Variants in EFR3A observed in about 807,000 individuals in gnomAD.
EFR3A encodes the protein protein EFR3 homolog A.
In EFR3A, 76 loss-of-function variants were observed where a neutral mutation model predicts 104.4. The observed-to-expected ratio is 0.73, with a 90% CI of 0.60 to 0.88. The LOEUF (loss-of-function observed/expected upper bound fraction) is 0.88. Ranked by LOEUF, EFR3A falls within the 40% of genes least tolerant of loss-of-function variation. The pLI, the probability that EFR3A is intolerant of heterozygous loss-of-function variation, is 0.00. For synonymous variants in EFR3A, 330 were observed against 330.0 expected, an observed-to-expected ratio of 1.00 and a Z score of 0.00; for missense variants, 985 against 1,012.5, an observed-to-expected ratio of 0.97 and a Z score of 0.37.
At chr8:131,995,429 T>C (rs1821424110) in intron 18 of EFR3A, among the ~76,000 whole-genome samples, 1 of 152,216 alleles carries the variant, frequency 6.6e-6, no homozygotes, top group Non-Finnish European at 1.5e-5. Flanking sequence ...GGATGTGTAA[T>C]GTCTATTCAG....
chr8:131,912,001 G>T (rs58545698), intron 1 of EFR3A, among the ~76,000 whole-genome samples: 2,143 of 152,290 alleles, frequency 0.014, 33 homozygotes, highest in East Asian at 0.066. Context: ...GGGGAAAAAG[G>T]GTTCTGGTTT....
At chr8:131,913,867 G>C (rs1296923212) in intron 1 of EFR3A, among the ~76,000 whole-genome samples, 1 of 152,186 alleles carries the variant, frequency 6.6e-6, no homozygotes, top group Non-Finnish European at 1.5e-5. Flanking sequence ...TTTGCAGAAG[G>C]TACTGTGCCA....
intron 18 of EFR3A, among the ~76,000 whole-genome samples, chr8:131,991,374 G>A (rs1821173802): frequency 1.3e-5 from 2 of 151,952 alleles, no homozygotes; most frequent in Admixed American, 6.6e-5. Context: ...AGTGAAGAAG[G>A]AAAGAAGTAC....
rs559892977 is a variant in EFR3A at position 131,997,618 on chromosome 8, A to C, written c.2157+1121A>C. On this transcript the variant is annotated intron_variant, in intron 19 of 22. Coordinates refer to ENST00000254624, the MANE Select transcript of EFR3A (RefSeq NM_015137.6). The stretch of plus-strand genomic sequence containing the variant: ...CTTAATAACAACTTTTCCCAAATTC[A>C]CCTCTTTCTTCAGAGCTATTTAATT... Among the ~76,000 whole-genome samples, 44 of 152,074 alleles carry C rather than the reference A, an allele frequency of 2.9e-4. No individual in the cohort carries two copies. In the South Asian group the frequency reaches 8.9e-3, roughly 31 times the overall value.
In EFR3A at chr8:131,947,306, G is replaced by T. The variant is rs1043771683; in HGVS notation, c.366+673G>T. Reference sequence around the variant, plus strand: ...TCTGCACGTGCTCGTTGACTATTGGGTATATTTTCTTTGGAGAAATGTCTA... The same window carrying T: ...TCTGCACGTGCTCGTTGACTATTGGTTATATTTTCTTTGGAGAAATGTCTA... On this transcript the variant is annotated intron_variant, in intron 4 of 22. Transcript: ENST00000254624. Among the ~76,000 whole-genome samples the T allele has an allele frequency of 2.0e-5, 3 of 151,782 alleles. No individual in the cohort carries two copies. In the East Asian group the frequency reaches 5.8e-4, roughly 29 times the overall value.
At chr8:131,960,959 G>C (rs1819284512) in intron 8 of EFR3A, among the ~76,000 whole-genome samples, 1 of 152,184 alleles carries the variant, frequency 6.6e-6, no homozygotes. Context: ...AGGGTCTGGA[G>C]TGGACCTCTG....
intron 19 of EFR3A, among the ~76,000 whole-genome samples, chr8:132,001,314 A>T (rs1821770180): frequency 6.6e-6 from 1 of 152,240 alleles, no homozygotes; most frequent in Admixed American, 6.5e-5. Flanking sequence ...TACCAAAATC[A>T]TAGAGGCTGT....
chr8:131,912,035 C>T (rs1043952787), intron 1 of EFR3A, among the ~76,000 whole-genome samples: 1 of 152,118 alleles, frequency 6.6e-6, no homozygotes, highest in African/African-American at 2.4e-5. Flanking sequence ...TGGGGAAGAG[C>T]GATTCTGGTT....
intron 1 of EFR3A, among the ~76,000 whole-genome samples, chr8:131,922,292 A>C (rs994616860): frequency 3.3e-5 from 5 of 152,112 alleles, no homozygotes; most frequent in Admixed American, 1.3e-4. Flanking sequence ...TAAAGTCACA[A>C]TGGCAGGTAT....
chr8:131,973,731 TTC>T (rs999696950), intron 10 of EFR3A, among the ~76,000 whole-genome samples: 1 of 152,218 alleles, frequency 6.6e-6, no homozygotes, highest in African/African-American at 2.4e-5. Context: ...GTTGGCCAAC[TTC>T]TCTTTCTTTT....
rs767408900 is a variant in EFR3A, at chr8:132,011,537, G to T, written c.*642G>T. 1.6e-6 allele frequency: 1 copy of T among 632,700 alleles called. No homozygotes were observed. Among genetic ancestry groups the T allele is most frequent in the African/African-American group, 2.0e-5 (1 of 50,126 alleles). The allele number at this position is 632,700 out of a possible 1,614,324, so 39.2% of individuals were successfully genotyped here. A position where few individuals can be genotyped will look rare whatever the true frequency, so the allele number is the denominator to read the frequency against. On this transcript the variant is annotated 3_prime_UTR_variant, in exon 23 of 23. Coordinates refer to ENST00000254624, the MANE Select transcript of EFR3A (RefSeq NM_015137.6). ...CCATACTTTAAATTGTCTGGTTCTT[G>T]TAATATTGTGTTTCCTGCCAAGAGT...
At chr8:131,982,701 A>T (rs1231136223) in intron 14 of EFR3A, among the ~76,000 whole-genome samples, 1 of 152,302 alleles carries the variant, frequency 6.6e-6, no homozygotes. Flanking sequence ...CTAAATTATC[A>T]CGTATGTATG....
intron 1 of EFR3A, among the ~76,000 whole-genome samples, chr8:131,920,042 A>G (rs1816929387): frequency 1.3e-5 from 2 of 152,280 alleles, no homozygotes; most frequent in African/African-American, 2.4e-5. Context: ...TACAAAATAA[A>G]AAGGGGCCTT....
In EFR3A at chr8:131,970,614, T is replaced by C. The variant is rs1186541921; in HGVS notation, c.1130T>C (p.Ile377Thr). The change falls in exon 10 of 23, where the codon ATT (isoleucine) becomes ACT (threonine). Residue 377 changes from isoleucine (I) to threonine (T), a missense_variant. Physicochemically the swap from Ile to Thr is moderately conservative, Grantham distance 89. Transcript: ENST00000254624. ...AGTTCCAAAGACAATGATGAGAAGA[T>C]TGTGCAGAATGCTATCATCCAAACA... ...NTSSKDNDEK[I>T]VQNAIIQTIG... is the part of the protein sequence containing the mutation. 6.2e-7 allele frequency: 1 copy of C among 1,613,774 alleles called. No individual in the cohort carries two copies. Among genetic ancestry groups the C allele is most frequent in the South Asian group, 1.1e-5 (1 of 91,064 alleles).
At chr8:131,910,361 TCCTGGACTCAAGCTATTCTC>T (rs1816458951) in intron 1 of EFR3A, among the ~76,000 whole-genome samples, 1 of 150,838 alleles carries the variant, frequency 6.6e-6, no homozygotes, top group Non-Finnish European at 1.5e-5. Context: ...AACCTCCACC[TCCTGGACTCAAGCTATTCTC>T]CTGCCTCGGC....
At chr8:131,949,860 T>G in intron 4 of EFR3A, 109 bp from the exon 5 acceptor site, 1 of 1,016,854 alleles carries the variant, frequency 9.8e-7, no homozygotes, top group Non-Finnish European at 1.4e-6. Flanking sequence ...ATGTTTTGTT[T>G]GTTACTTATT....
At chr8:131,942,582 C>G (rs544888389) in intron 2 of EFR3A, among the ~76,000 whole-genome samples, 4 of 152,234 alleles carry the variant, frequency 2.6e-5, no homozygotes, top group Non-Finnish European at 5.9e-5. Flanking sequence ...TCTTTACTCA[C>G]TGTTGCTTTC....
Position 131,986,251 on chromosome 8 carries a change from G to A in EFR3A, c.1927G>A (p.Asp643Asn), listed in dbSNP as rs1403154270. The change falls in exon 17 of 23, where the codon GAT becomes AAT. Residue 643 changes from aspartate (D) to asparagine (N), a missense_variant. By Grantham distance (23) the Asp-to-Asn change is conservative (BLOSUM62 1). Coordinates refer to ENST00000254624, the MANE Select transcript of EFR3A (RefSeq NM_015137.6). Reference sequence around the variant, plus strand: ...TTTTCTACCAGAGCATATCTTCAGAGATAAGTGCATGTATGTTAATTCTTT... The same window carrying A: ...TTTTCTACCAGAGCATATCTTCAGAAATAAGTGCATGTATGTTAATTCTTT... ...PYFLPEHIFR[D>N]KCMLPKSLEK... 1 of 1,570,600 alleles carries A rather than the reference G, an allele frequency of 6.4e-7. No homozygotes were observed. Among genetic ancestry groups the A allele is most frequent in the Non-Finnish European group, 8.7e-7 (1 of 1,143,494 alleles).
Position 132,010,989 on chromosome 8 carries a change from T to C in EFR3A, c.*94T>C. ...GTTTACTTAATGTGTATTAACATAC[T>C]TCTTGAAAATAATGATGGAACATAT... On this transcript the variant is annotated 3_prime_UTR_variant, in exon 23 of 23. Transcript: ENST00000254624. The C allele has an allele frequency of 7.4e-7, 1 of 1,353,824 alleles. No homozygotes were observed. 83.9% of individuals were successfully genotyped at this position (1,353,824 alleles called of 1,614,324 possible).
Sources: allele counts gnomAD v4.1 joint callset (sites outside exome capture counted in the v4.1 genomes callset), GRCh38; gene constraint gnomAD v4.1.1; transcripts MANE v1.5; gene names NCBI Gene and HGNC (gene_info 2026-07-23, HGNC 2026-07-21).